ANO4: variants seen among roughly 807,000 people sequenced by gnomAD.
ANO4 encodes anoctamin-4.
ANO4 carries 69 observed loss-of-function variants against 141.9 expected under a neutral mutation model. That is an observed-to-expected ratio of 0.49 (90% CI 0.40 to 0.59). The LOEUF (loss-of-function observed/expected upper bound fraction) is 0.59, where lower values mean the gene tolerates loss of function less well. ANO4 is among the 20% of genes least tolerant of loss of function. The probability of loss-of-function intolerance (pLI) is 0.00; values close to 1 mark genes in which losing one functional copy is unlikely to be tolerated. For synonymous variants in ANO4, 350 were observed against 394.3 expected, an observed-to-expected ratio of 0.89 and a Z score of 1.33; for missense variants, 894 against 1,162.2, an observed-to-expected ratio of 0.77 and a Z score of 3.36.
intron 5 of ANO4, among the ~76,000 whole-genome samples, chr12:100,968,590 A>C (rs1182206521): frequency 2.6e-5 from 4 of 152,224 alleles, no homozygotes; most frequent in Non-Finnish European, 5.9e-5. Flanking sequence ...TCATGATTAA[A>C]ATTTCCAACT....
In ANO4 at chr12:100,854,262, A is replaced by T. The variant is rs148089777; in HGVS notation, c.-140-47384A>T. Among the ~76,000 whole-genome samples the T allele has an allele frequency of 3.9e-5, 6 of 152,274 alleles. No individual in the cohort carries two copies. The East Asian group carries it at 9.6e-4, about 24-fold the overall frequency. ...GTCATCTTCTGTAGCTGATGAAAGA[A>T]GTCTGTCAATGTAATTATGGTTTCC... is the stretch of plus-strand genomic sequence containing the variant. On this transcript the variant is annotated intron_variant, in intron 1 of 27. Coordinates refer to ENST00000392977, the MANE Select transcript of ANO4 (RefSeq NM_001286615.2).
intron 1 of ANO4, among the ~76,000 whole-genome samples, chr12:100,842,411 A>ATGTG (rs112263464): frequency 1.3e-3 from 202 of 149,708 alleles, no homozygotes; most frequent in Non-Finnish European, 2.4e-3. Context: ...GTGTATGTGT[A>ATGTG]TGTGTGTGTG....
At chr12:100,770,505 C>T (rs2033252366) in intron 3 of ANO4, among the ~76,000 whole-genome samples, 1 of 152,148 alleles carries the variant, frequency 6.6e-6, no homozygotes, top group African/African-American at 2.4e-5. Context: ...TAGCTGAAAA[C>T]GTAGAAGTTC....
chr12:101,029,210 C>G (rs1223809991), intron 9 of ANO4, among the ~76,000 whole-genome samples: 1 of 152,188 alleles, frequency 6.6e-6, no homozygotes, highest in East Asian at 1.9e-4. Flanking sequence ...AAAACTGGTA[C>G]TAGCCACTGC....
chr12:101,018,978 A>C (rs2046415345), intron 8 of ANO4, among the ~76,000 whole-genome samples: 1 of 152,170 alleles, frequency 6.6e-6, no homozygotes, highest in Non-Finnish European at 1.5e-5. Context: ...ACAATATGGA[A>C]TGATCAGTAA....
intron 10 of ANO4, 73 bp downstream of exon 10, chr12:101,037,223 A>AC: frequency 6.8e-7 from 1 of 1,479,086 alleles, no homozygotes; most frequent in Non-Finnish European, 9.4e-7. Flanking sequence ...GAGATAGTCA[A>AC]TAATTGAATT....
intron 1 of ANO4, among the ~76,000 whole-genome samples, chr12:100,819,844 C>T (rs900398465): frequency 1.3e-5 from 2 of 151,758 alleles, no homozygotes; most frequent in Non-Finnish European, 2.9e-5. Context: ...CTTGTTTCCT[C>T]TCCCTATTTC....
intron 3 of ANO4, among the ~76,000 whole-genome samples, chr12:100,772,383 C>T (rs1327239578): frequency 2.6e-5 from 4 of 152,106 alleles, no homozygotes; most frequent in African/African-American, 7.2e-5. Flanking sequence ...TCTTTAAATG[C>T]CTCTACTGCT....
intron 1 of ANO4, among the ~76,000 whole-genome samples, chr12:100,901,030 T>C (rs1232483911): frequency 6.6e-6 from 1 of 152,210 alleles, no homozygotes; most frequent in Admixed American, 6.5e-5. Flanking sequence ...TCAATTCTAC[T>C]TTTGAGGAGA....
At chr12:100,948,874 A>G (rs1236080575) in intron 5 of ANO4, among the ~76,000 whole-genome samples, 2 of 152,018 alleles carry the variant, frequency 1.3e-5, no homozygotes, top group Non-Finnish European at 2.9e-5. Context: ...ATGGGATGTC[A>G]CTCCTGTGAT....
intron 14 of ANO4, among the ~76,000 whole-genome samples, chr12:101,063,778 T>TTTTTTTTTTTTAA (rs2048456888): frequency 1.6e-5 from 2 of 126,428 alleles, no homozygotes; most frequent in Non-Finnish European, 3.3e-5. Flanking sequence ...TTTTTTTTTT[T>TTTTTTTTTTTTAA]GCCTTTGAAA....
intron 8 of ANO4, among the ~76,000 whole-genome samples, chr12:101,012,958 T>C (rs1237543597): frequency 1.3e-5 from 2 of 152,150 alleles, no homozygotes; most frequent in African/African-American, 4.8e-5. Context: ...GTTCCTTTTT[T>C]TTCCACTTTT....
chr12:100,788,815 A>G (rs2033952668), intron 3 of ANO4, among the ~76,000 whole-genome samples: 1 of 152,172 alleles, frequency 6.6e-6, no homozygotes, highest in African/African-American at 2.4e-5. Context: ...GAGGATAGAC[A>G]TTAAACAAGC....
intron 14 of ANO4, among the ~76,000 whole-genome samples, chr12:101,058,424 T>C (rs575192552): frequency 3.9e-5 from 6 of 152,332 alleles, no homozygotes; most frequent in Admixed American, 3.9e-4. Context: ...TTGATGTGGA[T>C]AGCATTGAAT....
chr12:101,054,564 A>G (rs1266750872), intron 14 of ANO4, among the ~76,000 whole-genome samples: 2 of 152,238 alleles, frequency 1.3e-5, no homozygotes, highest in Admixed American at 6.5e-5. Flanking sequence ...CAGTGGCACA[A>G]TCTCGGCTCA....
intron 1 of ANO4, among the ~76,000 whole-genome samples, chr12:100,806,508 GT>G (rs780546149): frequency 2.6e-4 from 21 of 79,406 alleles, no homozygotes; most frequent in Middle Eastern, 7.9e-3. Context: ...TTTTTAGGAG[GT>G]TTTTTTTTTG....
chr12:101,110,326 A>C, intron 22 of ANO4, 78 bp from the exon 23 acceptor site: 1 of 1,419,110 alleles, frequency 7.0e-7, no homozygotes, highest in Non-Finnish European at 9.4e-7. Flanking sequence ...AGACAATAAC[A>C]TATTCAGATT....
At position 100,924,835 on chromosome 12, in the gene ANO4, C is replaced by G. The variant is rs538205664; in HGVS notation, c.160+2505C>G. ...AGTGGGGGCTAGAATGAACTTGCAT[C>G]AGAATGAACTAAAGGTTAGTAAGGT... On this transcript the variant is annotated intron_variant, in intron 3 of 27. Transcript: ENST00000392977. Among the ~76,000 whole-genome samples the G allele has an allele frequency of 2.0e-3, 306 of 152,002 alleles. 1 individual carries two copies. Among genetic ancestry groups the G allele is most frequent in the Non-Finnish European group, 3.7e-3 (252 of 67,964 alleles).
intron 1 of ANO4, among the ~76,000 whole-genome samples, chr12:100,877,221 G>A (rs1304542488): frequency 6.6e-6 from 1 of 151,412 alleles, no homozygotes; most frequent in Non-Finnish European, 1.5e-5. Context: ...GATGACTATA[G>A]TTAATAATAA....
Sources: allele counts gnomAD v4.1 joint callset (sites outside exome capture counted in the v4.1 genomes callset), GRCh38; gene constraint gnomAD v4.1.1; transcripts MANE v1.5; gene names NCBI Gene and HGNC (gene_info 2026-07-23, HGNC 2026-07-21).